The following WDR70 variants were observed in gnomAD, a reference collection of about 807,000 sequenced individuals.
WDR70 encodes the protein WD repeat domain 70.
Under a neutral mutation model 88.6 loss-of-function variants are expected in WDR70, and 53 were observed. The ratio of observed to expected loss-of-function variants is 0.60; its 90% CI spans 0.48 to 0.75. The LOEUF is 0.75. Among genes scored for constraint, WDR70 ranks in the 30% least tolerant of loss-of-function variants. The pLI, the probability that WDR70 is intolerant of heterozygous loss-of-function variation, is 0.00. For synonymous variants in WDR70, 280 were observed against 270.0 expected (o/e 1.04, Z -0.36); for missense variants, 610 against 823.2 (o/e 0.74, Z 3.17).
At chr5:37,714,951 T>G (rs1747614553) in intron 13 of WDR70, among the ~76,000 whole-genome samples, 1 of 152,212 alleles carries the variant, frequency 6.6e-6, no homozygotes, top group African/African-American at 2.4e-5. Context: ...GATGAAATTC[T>G]TTAAGCAGGT....
At chr5:37,422,726 C>T (rs554043773) in intron 5 of WDR70, among the ~76,000 whole-genome samples, 13 of 152,204 alleles carry the variant, frequency 8.5e-5, no homozygotes, top group Admixed American at 2.0e-4. Flanking sequence ...GATCCGCCTG[C>T]CTCCTCAGCC....
chr5:37,443,176 G>C (rs1750706032), intron 6 of WDR70, 63 bp from the exon 7 acceptor site: 2 of 1,518,524 alleles, frequency 1.3e-6, no homozygotes, highest in Admixed American at 4.2e-5. Context: ...ACAGAAATGG[G>C]AGGTTATAAT....
chr5:37,545,688 A>T (rs1384460657), intron 9 of WDR70, among the ~76,000 whole-genome samples: 5 of 151,716 alleles, frequency 3.3e-5, no homozygotes, highest in Non-Finnish European at 7.4e-5. Context: ...TGCCCAGCTA[A>T]TTTTTTTGTA....
chr5:37,588,086 A>G (rs1418486026), intron 9 of WDR70, among the ~76,000 whole-genome samples: 1 of 152,178 alleles, frequency 6.6e-6, no homozygotes, highest in African/African-American at 2.4e-5. Flanking sequence ...GAACATTTCA[A>G]GAGAACTTAA....
chr5:37,529,824 T>C (rs1445303894), intron 9 of WDR70, among the ~76,000 whole-genome samples: 1 of 152,180 alleles, frequency 6.6e-6, no homozygotes, highest in Non-Finnish European at 1.5e-5. Flanking sequence ...TTCTTTCTCT[T>C]GTCTGATTGC....
At chr5:37,544,710 A>C (rs539633854) in intron 9 of WDR70, among the ~76,000 whole-genome samples, 1 of 152,298 alleles carries the variant, frequency 6.6e-6, no homozygotes, top group African/African-American at 2.4e-5. Context: ...CCTGAATTAA[A>C]TGTGTAAAGC....
intron 10 of WDR70, among the ~76,000 whole-genome samples, chr5:37,696,720 G>A (rs1261365540): frequency 6.6e-6 from 1 of 152,178 alleles, no homozygotes; most frequent in African/African-American, 2.4e-5. Context: ...ATTAATGACA[G>A]CTATGTAGGG....
intron 9 of WDR70, among the ~76,000 whole-genome samples, chr5:37,557,961 T>TGAAAACTCTTCAAAGGA (rs1176435994): frequency 6.7e-6 from 1 of 148,284 alleles, no homozygotes; most frequent in African/African-American, 2.5e-5. Context: ...AAGAGTATTA[T>TGAAAACTCTTCAAAGGA]GTATATTTAT....
chr5:37,602,700 C>A (rs777781451), intron 9 of WDR70, among the ~76,000 whole-genome samples: 2 of 151,762 alleles, frequency 1.3e-5, no homozygotes, highest in African/African-American at 4.8e-5. Flanking sequence ...ACAAATAGGC[C>A]GGGTGCGGTG....
At chr5:37,594,483 G>C (rs988962768) in intron 9 of WDR70, among the ~76,000 whole-genome samples, 1 of 152,084 alleles carries the variant, frequency 6.6e-6, no homozygotes, top group Non-Finnish European at 1.5e-5. Flanking sequence ...TGGGGCCTCT[G>C]TTCTGTTCCA....
chr5:37,409,595 T>G (rs1749460715), intron 5 of WDR70, among the ~76,000 whole-genome samples: 2 of 151,606 alleles, frequency 1.3e-5, no homozygotes, highest in African/African-American at 2.4e-5. Flanking sequence ...ACCTCTGACT[T>G]CTGGGTTCAA....
chr5:37,672,289 C>T (rs2112595586), intron 10 of WDR70, among the ~76,000 whole-genome samples: 1 of 152,192 alleles, frequency 6.6e-6, no homozygotes, highest in African/African-American at 2.4e-5. Context: ...AAAGACCTGA[C>T]TGTCCCCCAG....
chr5:37,714,209 A>C (rs1020231657), intron 13 of WDR70, among the ~76,000 whole-genome samples: 2 of 152,224 alleles, frequency 1.3e-5, no homozygotes, highest in African/African-American at 4.8e-5. Context: ...GATTTCCAAG[A>C]TCTGATTACA....
At chr5:37,684,347 G>A (rs1746520168) in intron 10 of WDR70, among the ~76,000 whole-genome samples, 1 of 152,196 alleles carries the variant, frequency 6.6e-6, no homozygotes, top group African/African-American at 2.4e-5. Flanking sequence ...AGATAGTTCA[G>A]TCGTTTGGAG....
At chr5:37,597,523 A>T (rs955291274) in intron 9 of WDR70, among the ~76,000 whole-genome samples, 6 of 152,148 alleles carry the variant, frequency 3.9e-5, no homozygotes, top group African/African-American at 1.4e-4. Context: ...ATCTTTTCCC[A>T]TTTTAAATAT....
intron 9 of WDR70, among the ~76,000 whole-genome samples, chr5:37,519,205 C>T (rs533567401): frequency 4.7e-4 from 72 of 152,336 alleles, no homozygotes; most frequent in African/African-American, 1.5e-3. Flanking sequence ...GCTGTCTCTT[C>T]GGAGCTGTTG....
chr5:37,721,259 G>C (rs887391044), intron 14 of WDR70, 44 bp downstream of exon 14: 4 of 1,553,222 alleles, frequency 2.6e-6, no homozygotes, highest in African/African-American at 1.4e-5. Context: ...GACAACAACT[G>C]GGGGGAGGGA....
intron 5 of WDR70, among the ~76,000 whole-genome samples, chr5:37,412,516 G>A (rs1456246490): frequency 6.6e-6 from 1 of 152,064 alleles, no homozygotes; most frequent in East Asian, 1.9e-4. Flanking sequence ...GGATTACTGA[G>A]GATTTTCATT....
chr5:37,465,312 G>A (rs1181201938), intron 7 of WDR70, among the ~76,000 whole-genome samples: 1 of 152,108 alleles, frequency 6.6e-6, no homozygotes, highest in Non-Finnish European at 1.5e-5. Context: ...CTTGGACATT[G>A]TAGTGAAATG....
Sources: gnomAD v4.1 joint callset for allele counts (sites outside exome capture counted in the v4.1 genomes callset) on GRCh38, gnomAD v4.1.1 for gene constraint, MANE v1.5 for transcripts, NCBI Gene and HGNC (gene_info 2026-07-23, HGNC 2026-07-21) for gene names.